Variants in RSPH4A observed in about 807,000 individuals in gnomAD.
RSPH4A encodes the protein radial spoke head protein 4 homolog A.
Under a neutral mutation model 71.0 loss-of-function variants are expected in RSPH4A, and 47 were observed. That is an observed-to-expected ratio of 0.66 (90% CI 0.52 to 0.84). The LOEUF is 0.84. RSPH4A is among the 40% of genes least tolerant of loss of function. The probability of loss-of-function intolerance (pLI) is 0.00; values close to 1 mark genes in which losing one functional copy is unlikely to be tolerated. For missense variants in RSPH4A, 793 were observed against 855.2 expected (o/e 0.93, Z 0.91); for synonymous variants, 282 against 302.3 (o/e 0.93, Z 0.70).
At chr6:116,630,730 T>G (rs1464903967) in intron 5 of RSPH4A, among the ~76,000 whole-genome samples, 178 bp downstream of exon 5, 11 of 129,920 alleles carry the variant, frequency 8.5e-5, no homozygotes, top group Non-Finnish European at 1.7e-4. Context: ...TGGAGTGCAG[T>G]GGCATGATCT....
At chr6:116,619,760 C>T (rs784125) in intron 1 of RSPH4A, among the ~76,000 whole-genome samples, 33,036 of 151,916 alleles carry the variant, frequency 0.22, 3,919 homozygotes, top group Non-Finnish European at 0.28. Context: ...ACTCTGTCGC[C>T]CAGGCTGGAG....
intron 4 of RSPH4A, among the ~76,000 whole-genome samples, chr6:116,630,201 CT>C (rs1775769560): frequency 6.6e-6 from 1 of 152,154 alleles, no homozygotes; most frequent in African/African-American, 2.4e-5. Flanking sequence ...AATAAAACTT[CT>C]TGTCTTGTTT....
In RSPH4A at chr6:116,616,527, G is replaced by C; in HGVS notation, c.-97G>C. 2.8e-6 allele frequency: 3 copies of C among 1,078,032 alleles called. No homozygotes were observed. The highest frequency in any genetic ancestry group is 4.2e-6 in the Non-Finnish European group (3 of 718,816). The allele number at this position is 1,078,032 out of a possible 1,614,324, so 66.8% of individuals were successfully genotyped here. On this transcript the variant is annotated 5_prime_UTR_variant, in exon 1 of 6. Coordinates refer to ENST00000229554, the MANE Select transcript of RSPH4A (RefSeq NM_001010892.3). ...ACAGAGCAACCAGGACCCAGAAATC[G>C]CTTAAGAGACCGCGGCAAAGTAACT...
At chr6:116,625,948 C>T (rs565679218) in intron 2 of RSPH4A, among the ~76,000 whole-genome samples, 1 of 152,262 alleles carries the variant, frequency 6.6e-6, no homozygotes, top group East Asian at 1.9e-4. Flanking sequence ...CTTTAAACAG[C>T]CACTTATCAC....
At position 116,617,144 on chromosome 6, in the gene RSPH4A, AAG is replaced by A. The variant is rs764663856; in HGVS notation, c.524_525del (p.Glu175AlafsTer4). 1.2e-6 allele frequency: 2 copies of A among 1,614,202 alleles called. No individual in the cohort carries two copies. The highest frequency in any genetic ancestry group is 2.2e-5 in the South Asian group (2 of 91,086). Reference sequence around the variant, plus strand: ...GTGAGCTATAACAACGCTAAACAGAAAGAGCTGAGATTTGACGTTTTTCAGGA... The same window carrying A: ...GTGAGCTATAACAACGCTAAACAGAAAGCTGAGATTTGACGTTTTTCAGGA... On this transcript the variant is annotated frameshift_variant, in exon 1 of 6. Transcript: ENST00000229554. LOFTEE classifies it high-confidence loss of function.
In RSPH4A at chr6:116,632,574, CA is replaced by C; in HGVS notation, c.*135del. Reference sequence around the variant, plus strand: ...AAGAAATTATTCAACTGCAAAATCTCAATCTTGAAAATCAAGCTTGAAATTT... The same window carrying C: ...AAGAAATTATTCAACTGCAAAATCTCATCTTGAAAATCAAGCTTGAAATTT... On this transcript the variant is annotated 3_prime_UTR_variant, in exon 6 of 6. Transcript: ENST00000229554. 1 of 1,170,964 alleles carries C rather than the reference CA, an allele frequency of 8.5e-7. No individual in the cohort carries two copies. Among genetic ancestry groups the C allele is most frequent in the Middle Eastern group, 2.7e-4 (1 of 3,766 alleles). 72.5% of individuals were successfully genotyped at this position (1,170,964 alleles called of 1,614,324 possible). A position where few individuals can be genotyped will look rare whatever the true frequency, so the allele number is the denominator to read the frequency against.
At chr6:116,630,672 T>G (rs1437368942) in intron 5 of RSPH4A, 120 bp downstream of exon 5, 8 of 497,718 alleles carry the variant, frequency 1.6e-5, no homozygotes, top group Non-Finnish European at 2.5e-5. Flanking sequence ...TTCGTGTTTT[T>G]TTTTTTTTTT....
rs9488991 is a variant in RSPH4A at position 116,630,515 on chromosome 6, A to C, written c.1879A>C (p.Asn627His). ...ATATGCTATTGCAGTCCTTCAATCC[A>C]ACCTTTGGCCTGGAGCATATGCCTT... is the stretch of plus-strand genomic sequence containing the variant. ...PQYAIAVLQS[N>H]LWPGAYAFSN... Residue 627 changes from asparagine (N) to histidine (H), a missense_variant, in exon 5 of 6, where the codon AAC becomes CAC. Transcript: ENST00000229554. 0.067 allele frequency: 107,543 copies of C among 1,606,826 alleles called. 6,293 individuals carry two copies. Among genetic ancestry groups the C allele is most frequent in the African/African-American group, 0.25 (18,404 of 74,606 alleles).
intron 1 of RSPH4A, among the ~76,000 whole-genome samples, chr6:116,622,465 C>A (rs917595217): frequency 3.9e-5 from 6 of 152,092 alleles, no homozygotes; most frequent in Admixed American, 3.9e-4. Flanking sequence ...ATATTGGAAT[C>A]ATTTCCTAAG....
At position 116,627,946 on chromosome 6, in the gene RSPH4A, C is replaced by G. The variant is rs1775724828; in HGVS notation, c.1239C>G (p.Ala413=). ...AATTACCAAAGTCCTTTTACAAGGC[C>G]CCACAGGCTATACCAAAAGAAGAAA... The part of the protein sequence containing the change: ...EDELPKSFYK[A]PQAIPKEESR... The change falls in exon 3 of 6, where the codon GCC becomes GCG. Residue 413 remains alanine, a synonymous_variant. Transcript: ENST00000229554. 6.2e-7 allele frequency: 1 copy of G among 1,613,908 alleles called. No individual in the cohort carries two copies. Among genetic ancestry groups the G allele is most frequent in the Non-Finnish European group, 8.5e-7 (1 of 1,180,010 alleles).
intron 4 of RSPH4A, among the ~76,000 whole-genome samples, 178 bp downstream of exon 4, chr6:116,629,880 A>C (rs1233559012): frequency 6.6e-6 from 1 of 152,184 alleles, no homozygotes; most frequent in Non-Finnish European, 1.5e-5. Flanking sequence ...TGGCCACATC[A>C]ATGTTCTCTG....
intron 1 of RSPH4A, among the ~76,000 whole-genome samples, chr6:116,622,414 G>A (rs531275622): frequency 2.4e-3 from 369 of 152,240 alleles, no homozygotes; most frequent in Non-Finnish European, 4.1e-3. Context: ...TACGTATCGT[G>A]CTCTAAAATG....
Position 116,622,930 on chromosome 6 carries a change from A to G in RSPH4A, c.849A>G (p.Ile283Met). Residue 283 changes from isoleucine to methionine, a missense_variant, in exon 2 of 6, where the codon ATA becomes ATG. By Grantham distance (10) the Ile-to-Met change is conservative (BLOSUM62 1). Transcript: ENST00000229554. ...NENELLPTYEIAEKQKALFLQ... is the reference protein window; with the variant it reads ...NENELLPTYEMAEKQKALFLQ... Reference sequence around the variant, plus strand: ...ATGAGTTGCTTCCAACATATGAAATAGCAGAAAAGCAAAAGGCTCTTTTTC... The same window carrying G: ...ATGAGTTGCTTCCAACATATGAAATGGCAGAAAAGCAAAAGGCTCTTTTTC... The G allele has an allele frequency of 6.2e-7, 1 of 1,613,988 alleles. No homozygotes were observed. The highest frequency in any genetic ancestry group is 1.1e-5 in the South Asian group (1 of 91,048).
At position 116,616,979 on chromosome 6, in the gene RSPH4A, A is replaced by G. The variant is rs1305501960; in HGVS notation, c.356A>G (p.Glu119Gly). Residue 119 changes from glutamate (E) to glycine (G), a missense_variant, in exon 1 of 6, where the codon GAA becomes GGA. By Grantham distance (98) the Glu-to-Gly change is moderately conservative. Transcript: ENST00000229554. ...QSDRTTSVIPEAGTPYPDPLE... is the reference protein window; with the variant it reads ...QSDRTTSVIPGAGTPYPDPLE... The stretch of plus-strand genomic sequence containing the variant: ...GACAGGACCACGAGTGTGATTCCTG[A>G]AGCTGGGACACCTTATCCTGATCCT... The G allele has an allele frequency of 1.2e-6, 2 of 1,614,216 alleles. No individual in the cohort carries two copies. Among genetic ancestry groups the G allele is most frequent in the South Asian group, 2.2e-5 (2 of 91,082 alleles).
Position 116,627,789 on chromosome 6 carries a change from G to A in RSPH4A, c.1082G>A (p.Gly361Asp), listed in dbSNP as rs757303224. 1 of 1,614,126 alleles carries A rather than the reference G, an allele frequency of 6.2e-7. No individual in the cohort carries two copies. The highest frequency in any genetic ancestry group is 1.7e-5 in the Admixed American group (1 of 60,024). The change falls in exon 3 of 6, where the codon GGT becomes GAT. Residue 361 changes from glycine to aspartate, a missense_variant. Physicochemically the swap from Gly to Asp is moderately conservative, Grantham distance 94. Coordinates refer to ENST00000229554, the MANE Select transcript of RSPH4A (RefSeq NM_001010892.3). ...TGCCGCTTCTGGGGAAAGATCTTGG[G>A]TCTGGAAATGAATTATATTGTAGCT... ...QRCRFWGKILGLEMNYIVAEV... is the reference protein window; with the variant it reads ...QRCRFWGKILDLEMNYIVAEV...
Position 116,616,632 on chromosome 6 carries a change from C to G in RSPH4A, c.9C>G (p.Asp3Glu). The change falls in exon 1 of 6, where the codon GAC becomes GAG. Residue 3 changes from aspartate to glutamate, a missense_variant. Transcript: ENST00000229554. The stretch of plus-strand genomic sequence containing the variant: ...TTTCTTGAACTGCTTCCATGGAGGA[C>G]TCAACCTCCCCGAAGCAAGAAAAAG... ME[D>E]STSPKQEKEN... is the part of the protein sequence containing the mutation. 6.2e-7 allele frequency: 1 copy of G among 1,612,410 alleles called. No homozygotes were observed. Among genetic ancestry groups the G allele is most frequent in the South Asian group, 1.1e-5 (1 of 90,920 alleles).
intron 1 of RSPH4A, among the ~76,000 whole-genome samples, chr6:116,618,604 C>G (rs1179760920): frequency 1.3e-5 from 2 of 152,228 alleles, no homozygotes; most frequent in Non-Finnish European, 2.9e-5. Context: ...GCCTCTGCCT[C>G]CTGGGTTCAA....
At chr6:116,620,562 A>AT (rs1269275530) in intron 1 of RSPH4A, among the ~76,000 whole-genome samples, 4 of 152,226 alleles carry the variant, frequency 2.6e-5, no homozygotes, top group South Asian at 2.1e-4. Flanking sequence ...CTTTTCTTCC[A>AT]TTTTTTTAAA....
rs1775756307 is a variant in RSPH4A, at chr6:116,629,445, G to GA, written c.1663-120dup. 5 of 1,020,740 alleles carry GA rather than the reference G, an allele frequency of 4.9e-6. No individual in the cohort carries two copies. In the South Asian group the frequency reaches 6.7e-5, roughly 14 times the overall value. 63.2% of individuals were successfully genotyped at this position (1,020,740 alleles called of 1,614,324 possible). ...AGCACTTGGAAAATGTATGTAGAAT[G>GA]AATGAATGAATAATTGATTAAATTC... On this transcript the variant is annotated intron_variant, in intron 3 of 5. Transcript: ENST00000229554.
Sources: allele counts gnomAD v4.1 joint callset (sites outside exome capture counted in the v4.1 genomes callset), GRCh38; gene constraint gnomAD v4.1.1; transcripts MANE v1.5; gene names NCBI Gene and HGNC (gene_info 2026-07-23, HGNC 2026-07-21).